The following PLCD4 variants were observed in gnomAD, a reference collection of about 807,000 sequenced individuals.
The protein encoded by PLCD4 is 1-phosphatidylinositol 4,5-bisphosphate phosphodiesterase delta-4.
In PLCD4, 63 loss-of-function variants were observed where a neutral mutation model predicts 90.2. That is an observed-to-expected ratio of 0.70 (90% confidence interval 0.57 to 0.86). The LOEUF (loss-of-function observed/expected upper bound fraction) is 0.86, where lower values mean the gene tolerates loss of function less well. Ranked by LOEUF, PLCD4 falls within the 40% of genes least tolerant of loss-of-function variation. The pLI is 0.00. For synonymous variants in PLCD4, 294 were observed against 356.5 expected (o/e 0.82, Z 1.97); for missense variants, 830 against 956.3 (o/e 0.87, Z 1.74).
At chr2:218,618,452 C>A in intron 3 of PLCD4, 127 bp from the exon 4 acceptor site, 1 of 756,678 alleles carries the variant, frequency 1.3e-6, no homozygotes, top group Non-Finnish European at 2.2e-6. Flanking sequence ...TTTTGGGATT[C>A]AGCCTGCAGA....
chr2:218,616,923 TATATAG>T lies in PLCD4; in HGVS notation c.181+863_181+868del, dbSNP rs1695619786. ...TTATATATATATATATATATATATA[TATATAG>T]AGAGAGAGAGAGAGAGAGAGAGAGA... On this transcript the variant is annotated intron_variant, in intron 3 of 15. Transcript: ENST00000450993. 3.3e-4 allele frequency among the ~76,000 whole-genome samples: 8 copies of T among 24,152 alleles called. 1 individual carries two copies. Among genetic ancestry groups the T allele is most frequent in the African/African-American group, 1.4e-3 (8 of 5,700 alleles). The allele number at this position is 24,152 out of a possible 152,430, so 15.8% of individuals were successfully genotyped here.
chr2:218,622,424 T>C (rs1695926989), intron 5 of PLCD4: 1 of 380,758 alleles, frequency 2.6e-6, no homozygotes, highest in East Asian at 4.2e-5. Flanking sequence ...GATCTATCTG[T>C]CTGTAAAATT....
intron 4 of PLCD4, among the ~76,000 whole-genome samples, chr2:218,619,285 ATATATGTTT>A (rs1320338088): frequency 1.3e-5 from 2 of 150,742 alleles, no homozygotes; most frequent in African/African-American, 2.4e-5. Context: ...ATATATATAT[ATATATGTTT>A]TGTTTTGTTT....
chr2:218,631,993 G>C, intron 9 of PLCD4, 143 bp from the exon 10 acceptor site: 1 of 765,826 alleles, frequency 1.3e-6, no homozygotes, highest in Non-Finnish European at 2.1e-6. Flanking sequence ...CCAATTGTAT[G>C]TATCAAGCAG....
At chr2:218,617,121 C>T (rs1241309595) in intron 3 of PLCD4, among the ~76,000 whole-genome samples, 6 of 144,534 alleles carry the variant, frequency 4.2e-5, no homozygotes, top group Admixed American at 2.7e-4. Flanking sequence ...CCCGCCACCA[C>T]GCCCGGCTAA....
At position 218,634,625 on chromosome 2, in the gene PLCD4, A is replaced by T. The variant is rs1261178276; in HGVS notation, c.1891A>T (p.Ile631Phe). ...CCCTTTCAAAGCCCAGACTCTCTTA[A>T]TCCAGGTACAGTGGAAATAAACTGT... ...ISPFKAQTLL[I>F]QVISGQQLPK... The change falls in exon 13 of 16, where the codon ATC (isoleucine) becomes TTC (phenylalanine). Residue 631 changes from isoleucine (I) to phenylalanine (F), a missense_variant. By Grantham distance (21) the Ile-to-Phe change is conservative. Transcript: ENST00000450993. This position sits in a 1 kb window ranked among gnomAD's most constrained non-coding sequence, Gnocchi z 4.0. The T allele has an allele frequency of 6.2e-7, 1 of 1,612,646 alleles. No homozygotes were observed.
At chr2:218,621,329 A>T in intron 4 of PLCD4, 141 bp from the exon 5 acceptor site, 1 of 969,798 alleles carries the variant, frequency 1.0e-6, no homozygotes, top group Non-Finnish European at 1.6e-6. Flanking sequence ...AGATTATTCT[A>T]GAAGCTGTGT....
At chr2:218,611,005 G>C (rs1006268064) in intron 1 of PLCD4, among the ~76,000 whole-genome samples, 4 of 152,190 alleles carry the variant, frequency 2.6e-5, no homozygotes, top group African/African-American at 9.6e-5. Context: ...TGGGATTACA[G>C]ATGTGAGCTA....
In PLCD4 at chr2:218,629,562, G is replaced by A. The variant is rs1257736687; in HGVS notation, c.1018G>A (p.Asp340Asn). ...GCRCVEVDVW[D>N]GPSGEPVVYH... is the part of the protein sequence containing the mutation. ...CCGCTGCGTGGAGGTGGATGTATGG[G>A]ATGGACCTAGCGGGGAACCTGTCGT... is the stretch of plus-strand genomic sequence containing the variant. The change falls in exon 8 of 16, where the codon GAT becomes AAT. Residue 340 changes from aspartate (D) to asparagine (N), a missense_variant. Coordinates refer to ENST00000450993, the MANE Select transcript of PLCD4 (RefSeq NM_032726.4). 2 of 1,613,818 alleles carry A rather than the reference G, an allele frequency of 1.2e-6. No individual in the cohort carries two copies. The highest frequency in any genetic ancestry group is 1.7e-6 in the Non-Finnish European group (2 of 1,179,850).
intron 1 of PLCD4, among the ~76,000 whole-genome samples, chr2:218,614,531 C>T (rs1413073644): frequency 2.6e-5 from 4 of 151,812 alleles, no homozygotes; most frequent in Non-Finnish European, 5.9e-5. Context: ...TCACTGCCAA[C>T]CTCTGCCACC....
intron 5 of PLCD4, 124 bp downstream of exon 5, chr2:218,621,723 G>T: frequency 8.1e-7 from 1 of 1,230,036 alleles, no homozygotes. Context: ...TAAGTGCTAG[G>T]CTCAATGCCC....
intron 1 of PLCD4, among the ~76,000 whole-genome samples, chr2:218,614,573 C>T (rs974513655): frequency 1.5e-4 from 23 of 152,242 alleles, no homozygotes; most frequent in African/African-American, 5.5e-4. Flanking sequence ...CCTCAGCCTC[C>T]CAAGTAGCTG....
intron 4 of PLCD4, among the ~76,000 whole-genome samples, chr2:218,619,452 C>G (rs957873347): frequency 6.6e-6 from 1 of 151,952 alleles, no homozygotes; most frequent in Admixed American, 6.6e-5. Flanking sequence ...TGCCACCACG[C>G]CCAGCTAATT....
At chr2:218,628,498 T>C in intron 7 of PLCD4, 2 of 377,802 alleles carry the variant, frequency 5.3e-6, no homozygotes, top group Non-Finnish European at 9.7e-6. Context: ...AACAAATTAA[T>C]AAACAGATTG....
At chr2:218,635,638 G>A (rs1157907658) in intron 13 of PLCD4, among the ~76,000 whole-genome samples, 158 bp from the exon 14 acceptor site, 1 of 152,108 alleles carries the variant, frequency 6.6e-6, no homozygotes, top group East Asian at 1.9e-4. Flanking sequence ...CGGCCTTTGG[G>A]TGCATTTTAA....
At chr2:218,626,258 CAAAAAAAAAAAAA>C in intron 6 of PLCD4, among the ~76,000 whole-genome samples, 1 of 135,272 alleles carries the variant, frequency 7.4e-6, no homozygotes, top group Non-Finnish European at 1.6e-5. Context: ...CTCTGTCTCC[CAAAAAAAAAAAAA>C]AAAGGAAACT....
intron 4 of PLCD4, among the ~76,000 whole-genome samples, chr2:218,620,531 G>T (rs868444177): frequency 6.6e-5 from 10 of 150,706 alleles, no homozygotes; most frequent in African/African-American, 2.4e-4. Flanking sequence ...AATTATAAAA[G>T]AATTTTTATT....
At chr2:218,620,393 C>G (rs1277453963) in intron 4 of PLCD4, among the ~76,000 whole-genome samples, 1 of 152,032 alleles carries the variant, frequency 6.6e-6, no homozygotes, top group Non-Finnish European at 1.5e-5. Flanking sequence ...GCAATCCCAG[C>G]TACTCAGGAG....
chr2:218,630,684 C>T lies in PLCD4; in HGVS notation c.1154C>T (p.Thr385Ile). 1 of 1,614,020 alleles carries T rather than the reference C, an allele frequency of 6.2e-7. No homozygotes were observed. The change falls in exon 9 of 16, where the codon ACC becomes ATC. Residue 385 changes from threonine to isoleucine, a missense_variant. Coordinates refer to ENST00000450993, the MANE Select transcript of PLCD4 (RefSeq NM_032726.4). The stretch of plus-strand genomic sequence containing the variant: ...TACCCAGTCATCTTGTCCCTGGAGA[C>T]CCACTGCAGCTGGGAGCAGCAGCAG... ...SDYPVILSLE[T>I]HCSWEQQQTM... is the part of the protein sequence containing the mutation.
Sources: gnomAD v4.1 joint callset for allele counts (sites outside exome capture counted in the v4.1 genomes callset) on GRCh38, gnomAD v4.1.1 for gene constraint, Gnocchi (gnomAD v3.1) non-coding constraint, MANE v1.5 for transcripts, NCBI Gene and HGNC (gene_info 2026-07-23, HGNC 2026-07-21) for gene names.